The following PHF20L1 variants were observed in gnomAD, a reference collection of about 807,000 sequenced individuals.
PHF20L1 encodes PHD finger protein 20 like 1.
In PHF20L1, 44 loss-of-function variants were observed where a neutral mutation model predicts 125.5. The observed-to-expected ratio is 0.35, with a 90% CI of 0.28 to 0.45. The LOEUF (loss-of-function observed/expected upper bound fraction) is 0.45, where lower values mean the gene tolerates loss of function less well. PHF20L1 is among the 20% of genes least tolerant of loss of function. PHF20L1 has a pLI of 1.00. For missense variants in PHF20L1, 1,012 were observed against 1,217.2 expected, an observed-to-expected ratio of 0.83 and a Z score of 2.51; for synonymous variants, 380 against 403.1, an observed-to-expected ratio of 0.94 and a Z score of 0.69.
At chr8:132,825,400 T>C in intron 14 of PHF20L1, 29 bp downstream of exon 14, 1 of 1,448,496 alleles carries the variant, frequency 6.9e-7, no homozygotes, top group South Asian at 1.4e-5. Context: ...TTATTCCCTC[T>C]TTTTTTAAAA....
intron 19 of PHF20L1, chr8:132,843,407 T>C: frequency 2.0e-6 from 2 of 981,106 alleles, no homozygotes; most frequent in Non-Finnish European, 2.4e-6. Context: ...CCTTTATTTT[T>C]TACTGATTTT....
intron 19 of PHF20L1, 79 bp from the exon 20 acceptor site, chr8:132,844,077 G>A (rs1838206257): frequency 6.4e-7 from 1 of 1,573,602 alleles, no homozygotes; most frequent in African/African-American, 1.4e-5. Context: ...CAGTGATGAG[G>A]TGTTTCCTGT....
intron 12 of PHF20L1, among the ~76,000 whole-genome samples, chr8:132,820,137 A>G (rs1207961540): frequency 1.3e-5 from 2 of 151,848 alleles, no homozygotes; most frequent in African/African-American, 2.4e-5. Flanking sequence ...ATTGCTGCCT[A>G]CATTACCAAA....
chr8:132,836,663 T>C lies in PHF20L1; in HGVS notation c.2033T>C (p.Leu678Pro), dbSNP rs746383005. 3.1e-6 allele frequency: 5 copies of C among 1,613,178 alleles called. No homozygotes were observed. The highest frequency in any genetic ancestry group is 4.2e-6 in the Non-Finnish European group (5 of 1,179,476). Residue 678 changes from leucine to proline, a missense_variant, in exon 16 of 21, where the codon CTT becomes CCT. By Grantham distance (98) the Leu-to-Pro change is moderately conservative. Around this residue, in one of 7 missense-constraint regions of PHF20L1, gnomAD observed 320 missense variants for 293.8 expected, o/e 1.09. Transcript: ENST00000395386. ...GAATCTCAGGATGAGGATGATGCTCTTAATGAAATTGTGCGATGTATTTGT... is the reference window on the plus strand; with the variant it reads ...GAATCTCAGGATGAGGATGATGCTCCTAATGAAATTGTGCGATGTATTTGT... The part of the protein sequence containing the change: ...FEESQDEDDA[L>P]NEIVRCICEM...
rs564219973 is a variant in PHF20L1, at chr8:132,821,198, C to T, written c.1580-2806C>T. Among the ~76,000 whole-genome samples, 26 of 151,862 alleles carry T rather than the reference C, an allele frequency of 1.7e-4. 1 individual carries two copies. The highest frequency in any genetic ancestry group is 6.3e-4 in the African/African-American group (26 of 41,476). ...TTAGTTTTTGAATGAAATGTAGATG[C>T]AAGTAAATGTATTTACTTATTACAT... On this transcript the variant is annotated intron_variant, in intron 12 of 20. Transcript: ENST00000395386.
intron 12 of PHF20L1, chr8:132,818,304 T>G (rs892098939): frequency 2.0e-5 from 3 of 151,930 alleles, no homozygotes. Context: ...ACTAGATGTT[T>G]GAAGGAAGTC....
At chr8:132,840,667 C>T (rs963662444) in intron 18 of PHF20L1, among the ~76,000 whole-genome samples, 1 of 152,066 alleles carries the variant, frequency 6.6e-6, no homozygotes, top group Non-Finnish European at 1.5e-5. Context: ...GCAAGCTTTT[C>T]CATCGCTCTA....
rs536779657 is a variant in PHF20L1, at chr8:132,835,338, T to G, written c.1910-1202T>G. The stretch of plus-strand genomic sequence containing the variant: ...TGAGGTAGGAAGGTGCTCTGCTGAT[T>G]AGCCTCTGTCAGGAGCTCACACAGC... On this transcript the variant is annotated intron_variant, in intron 15 of 20. Coordinates refer to ENST00000395386, the MANE Select transcript of PHF20L1 (RefSeq NM_016018.5). Among the ~76,000 whole-genome samples the G allele has an allele frequency of 6.6e-5, 10 of 152,266 alleles. No homozygotes were observed. The South Asian group carries it at 1.4e-3, about 22-fold the overall frequency.
intron 2 of PHF20L1, among the ~76,000 whole-genome samples, chr8:132,792,557 G>A (rs896662427): frequency 6.6e-6 from 1 of 152,158 alleles, no homozygotes; most frequent in African/African-American, 2.4e-5. Context: ...TAGTTCTGAA[G>A]AAATGAGCAA....
intron 12 of PHF20L1, 24 bp downstream of exon 12, chr8:132,817,569 C>A (rs752688833): frequency 2.7e-5 from 41 of 1,535,030 alleles, no homozygotes; most frequent in Non-Finnish European, 3.6e-5. Flanking sequence ...AATAAAGGCT[C>A]CTATAAGTAG....
chr8:132,828,584 T>C lies in PHF20L1; in HGVS notation c.1744+3213T>C, dbSNP rs573662867. ...TGCAGTTATGCAAAGTAATTTAGAT[T>C]AGTTGTTTTTTATTATTTTATGAGG... On this transcript the variant is annotated intron_variant, in intron 14 of 20. Coordinates refer to ENST00000395386, the MANE Select transcript of PHF20L1 (RefSeq NM_016018.5). 8.5e-5 allele frequency among the ~76,000 whole-genome samples: 13 copies of C among 152,214 alleles called. No homozygotes were observed. The South Asian group carries it at 2.7e-3, about 32-fold the overall frequency.
intron 19 of PHF20L1, chr8:132,843,118 A>T: frequency 8.3e-7 from 1 of 1,202,324 alleles, no homozygotes; most frequent in Non-Finnish European, 1.0e-6. Flanking sequence ...AAAAGTTTCA[A>T]TTGTATAAGT....
intron 2 of PHF20L1, among the ~76,000 whole-genome samples, chr8:132,782,596 T>G (rs1830553567): frequency 6.6e-6 from 1 of 151,766 alleles, no homozygotes; most frequent in African/African-American, 2.4e-5. Flanking sequence ...TTTCCTTTTT[T>G]TTTTGAGACA....
chr8:132,847,202 A>G lies in PHF20L1; in HGVS notation c.*1279A>G, dbSNP rs921033295. On this transcript the variant is annotated 3_prime_UTR_variant, in exon 21 of 21. Coordinates refer to ENST00000395386, the MANE Select transcript of PHF20L1 (RefSeq NM_016018.5). ...CTCAACGTACATATGTACATAATCT[A>G]CACATATTTATATCACATATCTAGT... is the stretch of plus-strand genomic sequence containing the variant. 6.6e-6 allele frequency: 1 copy of G among 152,606 alleles called. No homozygotes were observed. Among genetic ancestry groups the G allele is most frequent in the Non-Finnish European group, 1.5e-5 (1 of 68,026 alleles). 9.5% of individuals were successfully genotyped at this position (152,606 alleles called of 1,614,324 possible).
chr8:132,827,621 G>C (rs909548045), intron 14 of PHF20L1, among the ~76,000 whole-genome samples: 1 of 151,958 alleles, frequency 6.6e-6, no homozygotes, highest in African/African-American at 2.4e-5. Context: ...GAGCTTAAGA[G>C]AAGGCAGGAA....
chr8:132,777,341 G>A (rs1488974615), intron 1 of PHF20L1, among the ~76,000 whole-genome samples: 1 of 152,004 alleles, frequency 6.6e-6, no homozygotes, highest in Non-Finnish European at 1.5e-5. Context: ...GTATTATGAG[G>A]CACTCAACAA....
At chr8:132,817,683 A>T (rs1341406127) in intron 12 of PHF20L1, 138 bp downstream of exon 12, 1 of 628,884 alleles carries the variant, frequency 1.6e-6, no homozygotes, top group Non-Finnish European at 2.7e-6. Flanking sequence ...TAACATTTAT[A>T]GGAGAGTTTC....
At chr8:132,787,134 TTC>T (rs1490080146) in intron 2 of PHF20L1, among the ~76,000 whole-genome samples, 1 of 151,980 alleles carries the variant, frequency 6.6e-6, no homozygotes, top group Admixed American at 6.6e-5. Flanking sequence ...AGGAAAGAAA[TTC>T]TCTGTGGTCT....
chr8:132,777,464 C>T (rs1481001392), intron 1 of PHF20L1, among the ~76,000 whole-genome samples: 4 of 152,124 alleles, frequency 2.6e-5, no homozygotes, highest in African/African-American at 9.7e-5. Context: ...CAGCTCTCCC[C>T]GTGGAGAATT....
Sources: gnomAD v4.1 joint callset for allele counts (sites outside exome capture counted in the v4.1 genomes callset) on GRCh38, gnomAD v4.1.1 for gene constraint, gnomAD v4.1.1 regional missense constraint, MANE v1.5 for transcripts, NCBI Gene and HGNC (gene_info 2026-07-23, HGNC 2026-07-21) for gene names.